Variants in TMEM150C observed in about 807,000 individuals in gnomAD.
The protein encoded by TMEM150C is transmembrane protein 150C, also known as tentonin 3.
TMEM150C carries 10 observed loss-of-function variants against 29.9 expected under a neutral mutation model. The ratio of observed to expected loss-of-function variants is 0.33; its 90% CI spans 0.21 to 0.57. The LOEUF is 0.57. TMEM150C is among the 20% of genes least tolerant of loss of function. TMEM150C has a pLI of 0.88. For missense variants in TMEM150C, 251 were observed against 303.6 expected (o/e 0.83, Z 1.29); for synonymous variants, 101 against 112.5 (o/e 0.90, Z 0.64).
In TMEM150C at chr4:82,507,362, G is replaced by T. The variant is rs148043792; in HGVS notation, c.-10-2695C>A. Among the ~76,000 whole-genome samples the T allele has an allele frequency of 2.0e-3, 307 of 152,288 alleles. 2 individuals carry two copies. The South Asian group carries it at 0.025, about 12-fold the overall frequency. On this transcript the variant is annotated intron_variant, in intron 1 of 7. Transcript: ENST00000449862. ...ATGGGAATCGAAATTTTCAAGCAGG[G>T]AGGTAGAGTGAAGAGGGTTAACAAG...
At chr4:82,548,062 T>C (rs1326345953) in intron 1 of TMEM150C, among the ~76,000 whole-genome samples, 1 of 152,186 alleles carries the variant, frequency 6.6e-6, no homozygotes, top group African/African-American at 2.4e-5. Flanking sequence ...ACAACATGGA[T>C]ACAGCTAGAG....
chr4:82,537,040 G>T (rs929270721), intron 1 of TMEM150C, among the ~76,000 whole-genome samples: 8 of 152,150 alleles, frequency 5.3e-5, no homozygotes, highest in Admixed American at 6.5e-5. Context: ...GGAGTGCAGT[G>T]GCTCGATCTA....
At chr4:82,505,452 A>G (rs569032574) in intron 1 of TMEM150C, among the ~76,000 whole-genome samples, 2 of 152,378 alleles carry the variant, frequency 1.3e-5, no homozygotes, top group African/African-American at 4.8e-5. Flanking sequence ...AGAGCTAAGT[A>G]CCAAAGGTAT....
At chr4:82,497,391 G>C (rs1478770918) in intron 5 of TMEM150C, among the ~76,000 whole-genome samples, 1 of 152,206 alleles carries the variant, frequency 6.6e-6, no homozygotes, top group Non-Finnish European at 1.5e-5. Flanking sequence ...TTTGCTAAAG[G>C]TTTTACTTTG....
intron 1 of TMEM150C, among the ~76,000 whole-genome samples, chr4:82,507,710 ACTCTCTCT>A (rs1215011397): frequency 7.3e-5 from 7 of 96,542 alleles, no homozygotes; most frequent in African/African-American, 3.0e-4. Flanking sequence ...TATTAAATTA[ACTCTCTCT>A]CTCTCTCTCT....
chr4:82,510,328 A>G (rs754359574), intron 1 of TMEM150C, among the ~76,000 whole-genome samples: 2 of 152,164 alleles, frequency 1.3e-5, no homozygotes, highest in Non-Finnish European at 2.9e-5. Context: ...ACTTACAACA[A>G]TGACTGTGAA....
chr4:82,539,865 T>A (rs937948519), intron 1 of TMEM150C, among the ~76,000 whole-genome samples: 2 of 152,142 alleles, frequency 1.3e-5, no homozygotes, highest in Non-Finnish European at 2.9e-5. Flanking sequence ...ACAAAACTAC[T>A]AAGAGACACA....
intron 6 of TMEM150C, chr4:82,491,165 C>A: frequency 4.3e-6 from 3 of 700,306 alleles, no homozygotes; most frequent in Non-Finnish European, 7.9e-6. Flanking sequence ...TCACCACCAG[C>A]TGAGCCTTTT....
chr4:82,541,193 T>C (rs1725189326), intron 1 of TMEM150C, among the ~76,000 whole-genome samples: 1 of 152,208 alleles, frequency 6.6e-6, no homozygotes, highest in Non-Finnish European at 1.5e-5. Flanking sequence ...TTATATACTT[T>C]CTATCCTTCT....
Position 82,504,583 on chromosome 4 carries a change from C to G in TMEM150C, c.75G>C (p.Trp25Cys). The change falls in exon 2 of 8, where the codon TGG (tryptophan) becomes TGC (cysteine). Residue 25 changes from tryptophan (W) to cysteine (C), a missense_variant. Trp to Cys is a radical substitution (Grantham distance 215). Coordinates refer to ENST00000449862, the MANE Select transcript of TMEM150C (RefSeq NM_001080506.3). Reference protein sequence around the residue: ...VFTLFTSAGLWIVYFIAVEDD... With the variant: ...VFTLFTSAGLCIVYFIAVEDD... ...TTAAATGAGCAAATACTCACACTAT[C>G]CACAATCCAGCTGAAGTAAACAAAG... 6.2e-7 allele frequency: 1 copy of G among 1,611,810 alleles called. No homozygotes were observed. The highest frequency in any genetic ancestry group is 8.5e-7 in the Non-Finnish European group (1 of 1,178,370).
chr4:82,539,113 G>A (rs929096755), intron 1 of TMEM150C, among the ~76,000 whole-genome samples: 4 of 152,060 alleles, frequency 2.6e-5, no homozygotes, highest in East Asian at 1.9e-4. Flanking sequence ...TTCAGTGATC[G>A]TTCCTTACAA....
At chr4:82,557,855 C>A (rs1725786951) in intron 1 of TMEM150C, among the ~76,000 whole-genome samples, 1 of 151,712 alleles carries the variant, frequency 6.6e-6, no homozygotes. Context: ...CCTGTCTCAC[C>A]CTCCCTGGGA....
chr4:82,505,985 T>C (rs748876788), intron 1 of TMEM150C, among the ~76,000 whole-genome samples: 3 of 152,212 alleles, frequency 2.0e-5, no homozygotes, highest in Non-Finnish European at 2.9e-5. Context: ...TAACCTCCAC[T>C]GGGGACCTGA....
rs570242197 is a variant in TMEM150C, at chr4:82,533,970, G to A, written c.-11+27936C>T. On this transcript the variant is annotated intron_variant, in intron 1 of 7. Transcript: ENST00000449862. Reference sequence around the variant, plus strand: ...TTACAGATCCAAAACCAAAGTTGGTGCGATCCCTAATCCCCTTTGAAATCT... The same window carrying A: ...TTACAGATCCAAAACCAAAGTTGGTACGATCCCTAATCCCCTTTGAAATCT... 2.6e-4 allele frequency among the ~76,000 whole-genome samples: 40 copies of A among 152,284 alleles called. 1 individual carries two copies. The South Asian group carries it at 7.9e-3, about 30-fold the overall frequency.
chr4:82,485,676 C>T lies in TMEM150C; in HGVS notation c.585G>A (p.Arg195=). ...AGCACATGACCAGGCCCCACTGGACCCTGGCTGCATACATGTGGATGCTTT... is the reference window on the plus strand; with the variant it reads ...AGCACATGACCAGGCCCCACTGGACTCTGGCTGCATACATGTGGATGCTTT... ...MAQSIHMYAA[R]VQWGLVMCFL... is the part of the protein sequence containing the mutation. The change falls in exon 8 of 8, where the codon AGG becomes AGA. Residue 195 remains arginine, a synonymous_variant. Transcript: ENST00000449862. 1 of 1,609,530 alleles carries T rather than the reference C, an allele frequency of 6.2e-7. No individual in the cohort carries two copies. Among genetic ancestry groups the T allele is most frequent in the Non-Finnish European group, 8.5e-7 (1 of 1,178,096 alleles).
intron 1 of TMEM150C, among the ~76,000 whole-genome samples, chr4:82,545,935 A>C (rs374327798): frequency 1.1e-4 from 16 of 152,166 alleles, no homozygotes; most frequent in African/African-American, 3.6e-4. Flanking sequence ...AAAAAAACAA[A>C]AAAAAAAGCT....
chr4:82,505,435 C>G (rs534487401), intron 1 of TMEM150C, among the ~76,000 whole-genome samples: 12 of 152,090 alleles, frequency 7.9e-5, no homozygotes, highest in Non-Finnish European at 1.8e-4. Flanking sequence ...TTAGGACTTT[C>G]GCTAGAAGAG....
chr4:82,556,109 G>T (rs116626258), intron 1 of TMEM150C, among the ~76,000 whole-genome samples: 1 of 151,800 alleles, frequency 6.6e-6, no homozygotes, highest in African/African-American at 2.4e-5. Context: ...TTTTCTTGGA[G>T]GGGGGATTAC....
chr4:82,561,993 C>G, upstream of TMEM150C: 2 of 1,106,972 alleles, frequency 1.8e-6, no homozygotes, highest in Non-Finnish European at 2.2e-6. Context: ...GCGGGTAGGG[C>G]GCTTCCTTCA....
Sources: gnomAD v4.1 joint callset for allele counts (sites outside exome capture counted in the v4.1 genomes callset) on GRCh38, gnomAD v4.1.1 for gene constraint, MANE v1.5 for transcripts, NCBI Gene and HGNC (gene_info 2026-07-23, HGNC 2026-07-21) for gene names.